MAN2A1: variants seen among roughly 807,000 people sequenced by gnomAD.
The protein encoded by MAN2A1 is mannosidase alpha class 2A member 1, also known as alpha-mannosidase 2.
Under a neutral mutation model 142.6 loss-of-function variants are expected in MAN2A1, and 76 were observed. The ratio of observed to expected loss-of-function variants is 0.53; its 90% CI spans 0.44 to 0.65. The LOEUF (loss-of-function observed/expected upper bound fraction) is 0.65, where lower values mean the gene tolerates loss of function less well. MAN2A1 is among the 30% of genes least tolerant of loss of function. MAN2A1 has a pLI of 0.00. For missense variants in MAN2A1, 1,311 were observed against 1,365.1 expected, an observed-to-expected ratio of 0.96 and a Z score of 0.62; for synonymous variants, 559 against 473.2, an observed-to-expected ratio of 1.18 and a Z score of -2.35.
intron 10 of MAN2A1, among the ~76,000 whole-genome samples, chr5:109,786,222 T>G (rs1039758541): frequency 2.0e-5 from 3 of 152,058 alleles, no homozygotes; most frequent in African/African-American, 7.2e-5. Flanking sequence ...ACAGAAACCA[T>G]TTTTGAAAGT....
intron 1 of MAN2A1, among the ~76,000 whole-genome samples, chr5:109,712,905 G>A (rs572974101): frequency 3.9e-5 from 6 of 152,262 alleles, no homozygotes; most frequent in African/African-American, 1.2e-4. Flanking sequence ...TACAGAGATG[G>A]CAACCCTCTT....
At chr5:109,801,546 A>T (rs374876188) in intron 12 of MAN2A1, among the ~76,000 whole-genome samples, 1 of 152,244 alleles carries the variant, frequency 6.6e-6, no homozygotes, top group East Asian at 1.9e-4. Context: ...GGAGAAAGAG[A>T]TAATGGTTGT....
chr5:109,692,124 C>T (rs908879186), intron 1 of MAN2A1, among the ~76,000 whole-genome samples: 1 of 152,204 alleles, frequency 6.6e-6, no homozygotes, highest in African/African-American at 2.4e-5. Flanking sequence ...CCTGGGTTTT[C>T]TGGCAACCTT....
chr5:109,729,937 A>G (rs1751856979), intron 4 of MAN2A1, among the ~76,000 whole-genome samples: 1 of 152,170 alleles, frequency 6.6e-6, no homozygotes, highest in Non-Finnish European at 1.5e-5. Context: ...GGTTGTAGTG[A>G]GCCAATATAG....
chr5:109,760,773 T>C (rs150577574), intron 5 of MAN2A1, among the ~76,000 whole-genome samples: 21 of 152,320 alleles, frequency 1.4e-4, no homozygotes, highest in African/African-American at 4.8e-4. Flanking sequence ...CATAAATGTC[T>C]TCTTTTGAGA....
chr5:109,736,299 G>A (rs1449520050), intron 4 of MAN2A1, among the ~76,000 whole-genome samples: 1 of 152,098 alleles, frequency 6.6e-6, no homozygotes, highest in Non-Finnish European at 1.5e-5. Context: ...ATTAATAACT[G>A]TCTTGGAAAA....
intron 12 of MAN2A1, among the ~76,000 whole-genome samples, chr5:109,816,573 T>C (rs1754467178): frequency 6.6e-6 from 1 of 152,198 alleles, no homozygotes; most frequent in African/African-American, 2.4e-5. Flanking sequence ...GTGTGAATTA[T>C]GTGATTTTCC....
At chr5:109,779,987 G>A (rs187070755) in intron 8 of MAN2A1, among the ~76,000 whole-genome samples, 1 of 151,940 alleles carries the variant, frequency 6.6e-6, no homozygotes, top group African/African-American at 2.4e-5. Flanking sequence ...TGTTCCAGTC[G>A]CAATTTTGTC....
At chr5:109,769,595 C>T (rs907553582) in intron 6 of MAN2A1, among the ~76,000 whole-genome samples, 1 of 152,190 alleles carries the variant, frequency 6.6e-6, no homozygotes. Flanking sequence ...CTTCTCACCT[C>T]TCCAGGCCAA....
chr5:109,695,243 G>A (rs1401289232), intron 1 of MAN2A1, among the ~76,000 whole-genome samples: 2 of 152,008 alleles, frequency 1.3e-5, no homozygotes, highest in South Asian at 4.1e-4. Context: ...AATTGAATTG[G>A]GTGTGTTGTT....
At chr5:109,751,577 T>A (rs929505345) in intron 4 of MAN2A1, among the ~76,000 whole-genome samples, 16 of 152,002 alleles carry the variant, frequency 1.1e-4, no homozygotes, top group South Asian at 2.1e-4. Flanking sequence ...TTTTTTTTTT[T>A]AAATAAATCT....
chr5:109,710,677 A>AT (rs1225271472), intron 1 of MAN2A1, among the ~76,000 whole-genome samples: 24 of 150,164 alleles, frequency 1.6e-4, no homozygotes, highest in Non-Finnish European at 3.0e-4. Context: ...GCTAATTTTT[A>AT]TTTTTTTATT....
chr5:109,747,677 C>T (rs1368871862), intron 4 of MAN2A1, among the ~76,000 whole-genome samples: 4 of 152,116 alleles, frequency 2.6e-5, no homozygotes, highest in African/African-American at 9.7e-5. Context: ...TTGCCTAAAA[C>T]ATTATTCTCT....
intron 1 of MAN2A1, among the ~76,000 whole-genome samples, chr5:109,694,451 C>T (rs1472180793): frequency 1.3e-5 from 2 of 151,890 alleles, no homozygotes; most frequent in Non-Finnish European, 2.9e-5. Context: ...CCAAGCCATT[C>T]TCCCACCTCA....
rs775301628 is a variant in MAN2A1 at position 109,774,889 on chromosome 5, C to T, written c.1298C>T (p.Thr433Met). The change falls in exon 8 of 22, where the codon ACG becomes ATG. Residue 433 changes from threonine (T) to methionine (M), a missense_variant. Thr to Met is a moderately conservative substitution (Grantham distance 81, BLOSUM62 -1). Around this residue, in one of 3 missense-constraint regions of MAN2A1, gnomAD observed 890 missense variants for 920.5 expected, o/e 0.97. Transcript: ENST00000261483. ...GATGATTTCCGCTACTGTGAATACA[C>T]GGAATGGGATTTACAGTTTAAGAAT... ...LGDDFRYCEY[T>M]EWDLQFKNYQ... 19 of 1,609,908 alleles carry T rather than the reference C, an allele frequency of 1.2e-5. No individual in the cohort carries two copies. Among genetic ancestry groups the T allele is most frequent in the African/African-American group, 4.0e-5 (3 of 74,654 alleles).
At chr5:109,744,201 T>A (rs1752342099) in intron 4 of MAN2A1, among the ~76,000 whole-genome samples, 1 of 152,074 alleles carries the variant, frequency 6.6e-6, no homozygotes, top group Admixed American at 6.6e-5. Flanking sequence ...ACTGACCTGG[T>A]CCCAGCCCTC....
intron 20 of MAN2A1, among the ~76,000 whole-genome samples, chr5:109,861,747 T>C (rs1272452929): frequency 6.6e-6 from 1 of 152,174 alleles, no homozygotes; most frequent in Non-Finnish European, 1.5e-5. Flanking sequence ...CAGAACCTTA[T>C]ACTGTCTTGC....
intron 16 of MAN2A1, among the ~76,000 whole-genome samples, chr5:109,825,064 G>A (rs1208733223): frequency 6.6e-6 from 1 of 152,116 alleles, no homozygotes; most frequent in Non-Finnish European, 1.5e-5. Flanking sequence ...AGTTATCTGT[G>A]ATCACTTTGC....
At chr5:109,717,188 T>C (rs1751480672) in intron 3 of MAN2A1, among the ~76,000 whole-genome samples, 1 of 152,204 alleles carries the variant, frequency 6.6e-6, no homozygotes, top group African/African-American at 2.4e-5. Context: ...ACCTAATAAT[T>C]TGAAGGTTTT....
Sources: gnomAD v4.1 joint callset for allele counts (sites outside exome capture counted in the v4.1 genomes callset) on GRCh38, gnomAD v4.1.1 for gene constraint, gnomAD v4.1.1 regional missense constraint, MANE v1.5 for transcripts, NCBI Gene and HGNC (gene_info 2026-07-23, HGNC 2026-07-21) for gene names.